Variants in SMARCA2 observed in about 807,000 individuals in gnomAD.
SMARCA2 encodes SWI/SNF related BAF chromatin remodeling complex subunit ATPase 2.
SMARCA2 carries 61 observed loss-of-function variants against 199.8 expected under a neutral mutation model. The ratio of observed to expected loss-of-function variants is 0.31; its 90% confidence interval spans 0.25 to 0.38. The LOEUF (loss-of-function observed/expected upper bound fraction) is 0.38. Ranked by LOEUF, SMARCA2 falls within the 10% of genes least tolerant of loss-of-function variation. The probability of loss-of-function intolerance (pLI) is 1.00; values close to 1 mark genes in which losing one functional copy is unlikely to be tolerated. For missense variants in SMARCA2, 1,344 were observed against 2,012.2 expected (o/e 0.67, Z 6.35); for synonymous variants, 935 against 732.0 (o/e 1.28, Z -4.48).
rs1297679669 is a variant in SMARCA2, at chr9:2,110,539, T to C, written c.3456+122T>C. On this transcript the variant is annotated intron_variant, in intron 24 of 33. Coordinates refer to ENST00000349721, the MANE Select transcript of SMARCA2 (RefSeq NM_003070.5). The surrounding 1 kb of genome is among the most constrained non-coding windows in gnomAD (Gnocchi z 4.8). ...CTAAACGAGTGGGCTGTTGCTTTCT[T>C]GGAGCCAATTCTTCTGGCTGTTTTC... The C allele has an allele frequency of 2.8e-6, 2 of 709,418 alleles. No individual in the cohort carries two copies. The highest frequency in any genetic ancestry group is 3.7e-5 in the Admixed American group (1 of 27,266). The allele number at this position is 709,418 out of a possible 1,614,324, so 43.9% of individuals were successfully genotyped here.
intron 29 of SMARCA2, among the ~76,000 whole-genome samples, chr9:2,171,406 C>T (rs959355912): frequency 1.3e-5 from 2 of 152,166 alleles, no homozygotes; most frequent in African/African-American, 4.8e-5. Context: ...GAACACAGAT[C>T]ACTGGTTGTG....
chr9:2,166,652 A>G (rs754720835), intron 28 of SMARCA2, among the ~76,000 whole-genome samples: 1 of 152,178 alleles, frequency 6.6e-6, no homozygotes, highest in Non-Finnish European at 1.5e-5. Context: ...AAGTTTTTTC[A>G]TCCAAAGATT....
At chr9:2,051,865 G>A (rs146234723) in intron 5 of SMARCA2, among the ~76,000 whole-genome samples, 1 of 152,214 alleles carries the variant, frequency 6.6e-6, no homozygotes, top group African/African-American at 2.4e-5. Flanking sequence ...ATCAATAGTG[G>A]ATTTTTTTCT....
intron 32 of SMARCA2, among the ~76,000 whole-genome samples, chr9:2,188,084 T>C (rs915167185): frequency 5.3e-5 from 8 of 152,250 alleles, no homozygotes; most frequent in Admixed American, 3.3e-4. Flanking sequence ...ATTAGGTTTC[T>C]AATTACATGT....
intron 15 of SMARCA2, among the ~76,000 whole-genome samples, chr9:2,082,216 C>T (rs936637464): frequency 6.6e-6 from 1 of 151,824 alleles, no homozygotes; most frequent in African/African-American, 2.4e-5. Flanking sequence ...GTGATTTTAT[C>T]GGCCATCAGC....
chr9:2,157,408 T>C (rs1048387621), intron 27 of SMARCA2, among the ~76,000 whole-genome samples: 54 of 152,158 alleles, frequency 3.5e-4, no homozygotes, highest in African/African-American at 1.3e-3. Flanking sequence ...CTGGGCTCTA[T>C]AACCCCACCC....
chr9:2,184,370 T>TG (rs58292716), intron 31 of SMARCA2, among the ~76,000 whole-genome samples: 20 of 150,854 alleles, frequency 1.3e-4, no homozygotes, highest in African/African-American at 4.9e-4. Context: ...TTTTTTTTTT[T>TG]GAGATGGAGT....
intron 9 of SMARCA2, chr9:2,068,817 T>A (rs1820956781): frequency 6.6e-6 from 1 of 152,206 alleles, no homozygotes; most frequent in Admixed American, 6.5e-5. Flanking sequence ...TTTTAAAGAT[T>A]TCACTTGTCA....
intron 28 of SMARCA2, among the ~76,000 whole-genome samples, chr9:2,163,711 G>T (rs987067548): frequency 6.6e-6 from 1 of 152,176 alleles, no homozygotes; most frequent in Non-Finnish European, 1.5e-5. Flanking sequence ...CAGGCATTTT[G>T]TTCATTACTT....
chr9:2,189,257 C>A (rs1827709579), intron 32 of SMARCA2, among the ~76,000 whole-genome samples: 1 of 152,084 alleles, frequency 6.6e-6, no homozygotes, highest in African/African-American at 2.4e-5. Context: ...ATCATAAAAC[C>A]TTAGGAAGCT....
At chr9:2,074,154 A>T (rs1431240347) in intron 12 of SMARCA2, among the ~76,000 whole-genome samples, 3 of 152,154 alleles carry the variant, frequency 2.0e-5, no homozygotes, top group Admixed American at 1.3e-4. Flanking sequence ...TATACTTGTT[A>T]TCCAAAGAGA....
chr9:2,149,086 CAT>C (rs1563803382), intron 27 of SMARCA2, among the ~76,000 whole-genome samples: 2 of 151,110 alleles, frequency 1.3e-5, no homozygotes, highest in African/African-American at 4.9e-5. Flanking sequence ...CTGATAAAGA[CAT>C]ACCTGAGACT....
rs2130177948 is a variant in SMARCA2 at position 2,028,967 on chromosome 9, T to G, written c.-36-20T>G. On this transcript the variant is annotated intron_variant, in intron 1 of 33. Coordinates refer to ENST00000349721, the MANE Select transcript of SMARCA2 (RefSeq NM_003070.5). ...ATCATGTTTAAAACATGCCTTCCTT[T>G]TTTCTGCTTTTCAACTTAGCATTAC... 1.3e-6 allele frequency: 2 copies of G among 1,532,930 alleles called. No homozygotes were observed. Among genetic ancestry groups the G allele is most frequent in the East Asian group, 4.9e-5 (2 of 40,872 alleles). The allele number at this position is 1,532,930 out of a possible 1,614,324, so 95.0% of individuals were successfully genotyped here.
At chr9:2,112,755 C>T (rs1823058048) in intron 24 of SMARCA2, among the ~76,000 whole-genome samples, 1 of 152,112 alleles carries the variant, frequency 6.6e-6, no homozygotes, top group Non-Finnish European at 1.5e-5. Flanking sequence ...TGAACAGGAC[C>T]ATTAGTTTGG....
At chr9:2,176,182 G>GTTTTTTTTTTTTTTT (rs56186732) in intron 29 of SMARCA2, among the ~76,000 whole-genome samples, 41 of 104,136 alleles carry the variant, frequency 3.9e-4, no homozygotes, top group African/African-American at 1.2e-3. Context: ...CGCCCGGCCT[G>GTTTTTTTTTTTTTTT]TTTTTTTTTT....
intron 15 of SMARCA2, among the ~76,000 whole-genome samples, chr9:2,082,414 A>G (rs563516792): frequency 2.0e-4 from 30 of 152,114 alleles, no homozygotes; most frequent in South Asian, 6.2e-4. Context: ...TCTTCCTTTT[A>G]AAAGCAGAAC....
intron 27 of SMARCA2, among the ~76,000 whole-genome samples, chr9:2,154,444 A>G (rs764174792): frequency 1.3e-5 from 2 of 152,142 alleles, no homozygotes; most frequent in African/African-American, 4.8e-5. Flanking sequence ...TTCCTCTCTC[A>G]TGATTGGGCT....
At chr9:2,061,108 T>C (rs1387998008) in intron 9 of SMARCA2, 122 bp downstream of exon 9, 1 of 950,326 alleles carries the variant, frequency 1.1e-6, no homozygotes, top group Non-Finnish European at 1.5e-6. Flanking sequence ...GATTGAATTG[T>C]GAAAATTGCA....
chr9:2,068,214 G>A (rs953561014), intron 9 of SMARCA2, among the ~76,000 whole-genome samples: 4 of 152,168 alleles, frequency 2.6e-5, no homozygotes, highest in African/African-American at 4.8e-5. Context: ...ATTGTTCTCT[G>A]TGTCACTAGC....
Sources: gnomAD v4.1 joint callset for allele counts (sites outside exome capture counted in the v4.1 genomes callset) on GRCh38, gnomAD v4.1.1 for gene constraint, Gnocchi (gnomAD v3.1) non-coding constraint, MANE v1.5 for transcripts, NCBI Gene and HGNC (gene_info 2026-07-23, HGNC 2026-07-21) for gene names.